CNR1: variants seen among roughly 807,000 people sequenced by gnomAD.
CNR1 encodes cannabinoid receptor 1 (brain).
CNR1 carries 10 observed loss-of-function variants against 23.0 expected under a neutral mutation model. The observed-to-expected ratio is 0.43, with a 90% CI of 0.27 to 0.74. The LOEUF is 0.74. Ranked by LOEUF, CNR1 falls within the 30% of genes least tolerant of loss-of-function variation. The pLI, the probability that CNR1 is intolerant of heterozygous loss-of-function variation, is 0.19. For synonymous variants in CNR1, 271 were observed against 255.2 expected (o/e 1.06, Z -0.59); for missense variants, 422 against 618.8 (o/e 0.68, Z 3.37).
At chr6:88,151,233 C>T (rs1777501351) in intron 1 of CNR1, among the ~76,000 whole-genome samples, 1 of 152,230 alleles carries the variant, frequency 6.6e-6, no homozygotes, top group African/African-American at 2.4e-5. Context: ...AGCCACATTT[C>T]AAGTCCTTAA....
intron 1 of CNR1, among the ~76,000 whole-genome samples, chr6:88,147,145 T>C (rs1318079881): frequency 6.6e-6 from 1 of 151,916 alleles, no homozygotes; most frequent in African/African-American, 2.4e-5. Context: ...AAAAAGAAAT[T>C]TAAAAAAATT....
intron 1 of CNR1, among the ~76,000 whole-genome samples, chr6:88,151,872 T>C (rs1426095215): frequency 6.6e-6 from 1 of 151,998 alleles, no homozygotes; most frequent in African/African-American, 2.4e-5. Context: ...TATCATTAAA[T>C]TGTCAAGGCA....
chr6:88,150,661 C>T (rs1777471398), intron 1 of CNR1, among the ~76,000 whole-genome samples: 1 of 152,010 alleles, frequency 6.6e-6, no homozygotes, highest in Non-Finnish European at 1.5e-5. Context: ...TTGAATCCAA[C>T]CACAGGTCAC....
In CNR1 at chr6:88,144,375, C is replaced by T. The variant is rs369830257; in HGVS notation, c.900G>A (p.Lys300=). Residue 300 remains lysine, a synonymous_variant, in exon 2 of 2, where the codon AAG becomes AAA. Coordinates refer to ENST00000369501, the MANE Select transcript of CNR1 (RefSeq NM_016083.6). The surrounding 1 kb of genome is among the most constrained non-coding windows in gnomAD (Gnocchi z 7.8). The stretch of plus-strand genomic sequence containing the variant: ...TCATGCGGACGGCGTGGCTGTGAGC[C>T]TTCCAGAGAATATACATGTACGCAT... ...IVYAYMYILW[K]AHSHAVRMIQ... is the part of the protein sequence containing the mutation. 3.5e-5 allele frequency: 57 copies of T among 1,613,854 alleles called. No individual in the cohort carries two copies. The highest frequency in any genetic ancestry group is 4.7e-5 in the Non-Finnish European group (56 of 1,180,040).
chr6:88,162,188 C>A (rs1352326862), intron 1 of CNR1, among the ~76,000 whole-genome samples: 1 of 152,184 alleles, frequency 6.6e-6, no homozygotes, highest in African/African-American at 2.4e-5. Context: ...CAGTGTCCAT[C>A]TGCACAGCTG....
intron 1 of CNR1, 63 bp from the exon 2 acceptor site, chr6:88,145,400 C>A: frequency 1.3e-6 from 1 of 786,460 alleles, no homozygotes; most frequent in Non-Finnish European, 2.1e-6. Context: ...AACAAAGAGA[C>A]ACTGTAAATG....
chr6:88,155,943 T>C (rs1218479059), intron 1 of CNR1, among the ~76,000 whole-genome samples: 3 of 152,228 alleles, frequency 2.0e-5, no homozygotes, highest in African/African-American at 7.2e-5. Flanking sequence ...GGGCACCTTC[T>C]TTAGGTCTGA....
chr6:88,150,530 T>C (rs1381580584), intron 1 of CNR1, among the ~76,000 whole-genome samples: 1 of 152,232 alleles, frequency 6.6e-6, no homozygotes, highest in Non-Finnish European at 1.5e-5. Flanking sequence ...TCCATATTCG[T>C]ATATAAAACC....
intron 1 of CNR1, among the ~76,000 whole-genome samples, chr6:88,164,697 A>G (rs1385676455): frequency 1.3e-5 from 2 of 152,210 alleles, no homozygotes; most frequent in Non-Finnish European, 2.9e-5. Context: ...GTCCTATGGG[A>G]ACCTTAAAGG....
Position 88,143,802 on chromosome 6 carries a change from T to C in CNR1, c.*54A>G. Reference sequence around the variant, plus strand: ...CAAGGAGACAATAGACTCTTCTAGATTTTGAGCTTAAAAAAAAAAATTCTT... The same window carrying C: ...CAAGGAGACAATAGACTCTTCTAGACTTTGAGCTTAAAAAAAAAAATTCTT... On this transcript the variant is annotated 3_prime_UTR_variant, in exon 2 of 2. Coordinates refer to ENST00000369501, the MANE Select transcript of CNR1 (RefSeq NM_016083.6). 7.2e-7 allele frequency: 1 copy of C among 1,383,874 alleles called. No homozygotes were observed. The highest frequency in any genetic ancestry group is 1.0e-6 in the Non-Finnish European group (1 of 998,278). The allele number at this position is 1,383,874 out of a possible 1,614,324, so 85.7% of individuals were successfully genotyped here. A position where few individuals can be genotyped will look rare whatever the true frequency, so the allele number is the denominator to read the frequency against.
At chr6:88,150,970 C>T (rs903723675) in intron 1 of CNR1, among the ~76,000 whole-genome samples, 1 of 152,174 alleles carries the variant, frequency 6.6e-6, no homozygotes, top group Admixed American at 6.5e-5. Context: ...TACTATGACA[C>T]CTCCTCTTTC....
chr6:88,153,982 T>C (rs1777663706), intron 1 of CNR1, among the ~76,000 whole-genome samples: 1 of 152,240 alleles, frequency 6.6e-6, no homozygotes, highest in Non-Finnish European at 1.5e-5. Context: ...AATAACTGAT[T>C]GACTTAATTA....
At chr6:88,159,091 T>C (rs1470431047) in intron 1 of CNR1, among the ~76,000 whole-genome samples, 1 of 152,198 alleles carries the variant, frequency 6.6e-6, no homozygotes, top group African/African-American at 2.4e-5. Flanking sequence ...CCTAATTCTA[T>C]TTACAAAGGC....
chr6:88,154,467 T>C (rs1777691955), intron 1 of CNR1, among the ~76,000 whole-genome samples: 1 of 152,234 alleles, frequency 6.6e-6, no homozygotes, highest in Admixed American at 6.5e-5. Flanking sequence ...ACAAATTCCA[T>C]TTACTATTTA....
At chr6:88,160,186 G>A (rs1193352528) in intron 1 of CNR1, among the ~76,000 whole-genome samples, 2 of 151,818 alleles carry the variant, frequency 1.3e-5, no homozygotes, top group African/African-American at 2.4e-5. Context: ...AAATTAGCCG[G>A]GCATGGTAGC....
At chr6:88,151,675 T>A (rs1422704938) in intron 1 of CNR1, among the ~76,000 whole-genome samples, 7 of 151,380 alleles carry the variant, frequency 4.6e-5, no homozygotes, top group Non-Finnish European at 7.4e-5. Context: ...AAGAATATAT[T>A]ATAATAATAT....
chr6:88,145,923 AGGAAG>A (rs1777157121), intron 1 of CNR1, among the ~76,000 whole-genome samples: 1 of 152,312 alleles, frequency 6.6e-6, no homozygotes, highest in East Asian at 1.9e-4. Flanking sequence ...GTGAGAACTG[AGGAAG>A]CTTGAGGCCA....
At position 88,144,069 on chromosome 6, in the gene CNR1, C is replaced by G. The variant is rs1776995510; in HGVS notation, c.1206G>C (p.Lys402Asn). 6.2e-7 allele frequency: 1 copy of G among 1,614,082 alleles called. No homozygotes were observed. The highest frequency in any genetic ancestry group is 1.6e-4 in the Middle Eastern group (1 of 6,062). ...TGCTCCGGAAAGCGTGTCGCAGGTC[C>G]TTACTCCTCAGAGCATAGATGATGG... ...VNPIIYALRS[K>N]DLRHAFRSMF... Residue 402 changes from lysine to asparagine, a missense_variant, in exon 2 of 2, where the codon AAG becomes AAC. Transcript: ENST00000369501. The surrounding 1 kb of genome is among the most constrained non-coding windows in gnomAD (Gnocchi z 7.8).
rs765357312 is a variant in CNR1 at position 88,144,291 on chromosome 6, C to T, written c.984G>A (p.Gln328=). ...TGCGGGCTTGGTCTGGCCGGGTCAC[C>T]TGTACCTTCCCATCCTCAGACGTGT... ...IIHTSEDGKV[Q]VTRPDQARMD... The change falls in exon 2 of 2, where the codon CAG becomes CAA. Residue 328 remains glutamine, a synonymous_variant. Coordinates refer to ENST00000369501, the MANE Select transcript of CNR1 (RefSeq NM_016083.6). This position sits in a 1 kb window ranked among gnomAD's most constrained non-coding sequence, Gnocchi z 7.8. 9 of 1,611,832 alleles carry T rather than the reference C, an allele frequency of 5.6e-6. No homozygotes were observed. The highest frequency in any genetic ancestry group is 1.3e-5 in the African/African-American group (1 of 74,906).
Sources: gnomAD v4.1 joint callset for allele counts (sites outside exome capture counted in the v4.1 genomes callset) on GRCh38, gnomAD v4.1.1 for gene constraint, Gnocchi (gnomAD v3.1) non-coding constraint, MANE v1.5 for transcripts, NCBI Gene and HGNC (gene_info 2026-07-23, HGNC 2026-07-21) for gene names.